The following LMBRD1 variants were observed in gnomAD, a reference collection of about 807,000 sequenced individuals.
LMBRD1 encodes the protein LMBR1 domain containing 1.
Under a neutral mutation model 74.8 loss-of-function variants are expected in LMBRD1, and 64 were observed. The observed-to-expected ratio is 0.86, with a 90% CI of 0.70 to 1.05. LMBRD1 has a LOEUF of 1.05. Among genes scored for constraint, LMBRD1 ranks in the 50% least tolerant of loss-of-function variants. The pLI is 0.00. For missense variants in LMBRD1, 652 were observed against 645.9 expected (o/e 1.01, Z -0.10); for synonymous variants, 204 against 216.3 (o/e 0.94, Z 0.50).
rs59779926 is a variant in LMBRD1 at position 69,689,511 on chromosome 6, T to C, written c.1417+8052A>G. ...GAGAACCTGGTTAGAACTGACAAAA[T>C]AGTTTTGGATTGGTAAGAATGATGA... On this transcript the variant is annotated intron_variant, in intron 14 of 15. Transcript: ENST00000649934. Among the ~76,000 whole-genome samples the C allele has an allele frequency of 9.2e-3, 1,402 of 152,160 alleles. 24 individuals carry two copies. Among genetic ancestry groups the C allele is most frequent in the African/African-American group, 0.032 (1,322 of 41,530 alleles).
At chr6:69,698,931 A>T in intron 13 of LMBRD1, 112 bp downstream of exon 13, 2 of 725,208 alleles carry the variant, frequency 2.8e-6, no homozygotes, top group Non-Finnish European at 2.3e-6. Flanking sequence ...AGCAATATTA[A>T]ATATAATCTG....
rs1342176216 is a variant in LMBRD1, at chr6:69,786,668, T to C, written c.246+3628A>G. Among the ~76,000 whole-genome samples the C allele has an allele frequency of 3.9e-5, 6 of 152,242 alleles. No homozygotes were observed. The East Asian group carries it at 1.2e-3, about 29-fold the overall frequency. On this transcript the variant is annotated intron_variant, in intron 2 of 15. Transcript: ENST00000649934. Reference sequence around the variant, plus strand: ...GAAACAAATTATCTAGCTAAAATTATTAATAATGCCATATGCTGAAAGAAA... The same window carrying C: ...GAAACAAATTATCTAGCTAAAATTACTAATAATGCCATATGCTGAAAGAAA...
chr6:69,701,779 TA>T, intron 10 of LMBRD1, 109 bp downstream of exon 10: 3 of 798,372 alleles, frequency 3.8e-6, no homozygotes, highest in Non-Finnish European at 6.4e-6. Context: ...ACACTTCAAG[TA>T]AAAAAGCTAC....
intron 3 of LMBRD1, among the ~76,000 whole-genome samples, chr6:69,768,439 C>T (rs147138858): frequency 1.1e-3 from 170 of 150,018 alleles, no homozygotes; most frequent in Non-Finnish European, 1.8e-3. Flanking sequence ...AATATTCACA[C>T]AATACAGGCA....
chr6:69,695,828 T>C (rs1765983562), intron 14 of LMBRD1, among the ~76,000 whole-genome samples: 1 of 144,350 alleles, frequency 6.9e-6, no homozygotes. Context: ...TTACAATTTT[T>C]CTAACCTTAG....
intron 3 of LMBRD1, among the ~76,000 whole-genome samples, chr6:69,757,237 T>C (rs1467181304): frequency 2.6e-5 from 4 of 152,092 alleles, no homozygotes; most frequent in Non-Finnish European, 4.4e-5. Context: ...ATAAGGAAGT[T>C]TGAGAATGGA....
At chr6:69,768,612 TAAGAA>T (rs1054275475) in intron 3 of LMBRD1, among the ~76,000 whole-genome samples, 13 of 152,148 alleles carry the variant, frequency 8.5e-5, no homozygotes, top group South Asian at 2.1e-4. Flanking sequence ...TTTACAAAGA[TAAGAA>T]AAGGAGAAAA....
chr6:69,786,425 A>AT (rs909286044), intron 2 of LMBRD1, among the ~76,000 whole-genome samples: 24 of 151,828 alleles, frequency 1.6e-4, no homozygotes, highest in African/African-American at 5.1e-4. Context: ...ATATTAACTA[A>AT]TTTTTTTATT....
chr6:69,778,989 C>T (rs538614643), intron 3 of LMBRD1, among the ~76,000 whole-genome samples: 1 of 152,048 alleles, frequency 6.6e-6, no homozygotes, highest in East Asian at 1.9e-4. Context: ...AGTTAAAGAC[C>T]AGCCTGGCCA....
chr6:69,766,720 A>G (rs1582140327), intron 3 of LMBRD1, among the ~76,000 whole-genome samples: 3 of 151,852 alleles, frequency 2.0e-5, no homozygotes, highest in East Asian at 3.9e-4. Flanking sequence ...AAGGATTGGT[A>G]TAATTTCTAT....
chr6:69,753,584 G>T (rs75402207), intron 3 of LMBRD1, among the ~76,000 whole-genome samples: 7 of 152,168 alleles, frequency 4.6e-5, no homozygotes, highest in African/African-American at 1.7e-4. Flanking sequence ...CTACTTCCAG[G>T]TGTATGCACA....
intron 7 of LMBRD1, among the ~76,000 whole-genome samples, chr6:69,736,790 T>A (rs181132332): frequency 6.6e-6 from 1 of 152,288 alleles, no homozygotes; most frequent in East Asian, 1.9e-4. Flanking sequence ...AGCAGATCAG[T>A]CACAGAATAA....
chr6:69,685,548 C>G (rs1765745524), intron 14 of LMBRD1, among the ~76,000 whole-genome samples: 1 of 152,238 alleles, frequency 6.6e-6, no homozygotes. Context: ...TGCCTGTAAC[C>G]CCAGCACTTT....
chr6:69,784,505 G>A (rs1034447183), intron 2 of LMBRD1, among the ~76,000 whole-genome samples: 1 of 152,180 alleles, frequency 6.6e-6, no homozygotes, highest in Non-Finnish European at 1.5e-5. Flanking sequence ...ATGGTGGACA[G>A]AGTCAGTATA....
rs1562095584 is a variant in LMBRD1 at position 69,713,709 on chromosome 6, C to T, written c.851G>A (p.Arg284Lys). ...ERLRTLKKRE[R>K]HLEFIENSWW... ...GCTGTTTTCAATGAATTCTAAATGC[C>T]TCTCTCTCTTCTTAAGTGTTCGTAA... Residue 284 changes from arginine to lysine, a missense_variant, in exon 9 of 16, where the codon AGG becomes AAG. Coordinates refer to ENST00000649934, the MANE Select transcript of LMBRD1 (RefSeq NM_018368.4). 3 of 1,613,650 alleles carry T rather than the reference C, an allele frequency of 1.9e-6. No individual in the cohort carries two copies. Among genetic ancestry groups the T allele is most frequent in the Non-Finnish European group, 8.5e-7 (1 of 1,179,648 alleles).
intron 5 of LMBRD1, among the ~76,000 whole-genome samples, chr6:69,743,343 T>G (rs1034985461): frequency 3.3e-5 from 5 of 152,208 alleles, no homozygotes; most frequent in African/African-American, 1.2e-4. Context: ...TAGGGTTTAA[T>G]ACGCAATATT....
At chr6:69,731,428 T>C (rs986442863) in intron 7 of LMBRD1, among the ~76,000 whole-genome samples, 1 of 152,036 alleles carries the variant, frequency 6.6e-6, no homozygotes, top group African/African-American at 2.4e-5. Context: ...ACCTGGAAAA[T>C]GTGTATACCT....
rs139875511 is a variant in LMBRD1 at position 69,777,170 on chromosome 6, G to A, written c.307+3324C>T. 3.5e-3 allele frequency among the ~76,000 whole-genome samples: 537 copies of A among 151,816 alleles called. 4 individuals carry two copies. Among genetic ancestry groups the A allele is most frequent in the African/African-American group, 0.012 (505 of 41,414 alleles). ...CTCAAAAAAATTAAAAAAGGGGTCC[G>A]GGCACAATGAGTGGCTCCCATCTGT... On this transcript the variant is annotated intron_variant, in intron 3 of 15. Coordinates refer to ENST00000649934, the MANE Select transcript of LMBRD1 (RefSeq NM_018368.4).
intron 14 of LMBRD1, among the ~76,000 whole-genome samples, chr6:69,681,582 C>T (rs1026573223): frequency 6.6e-6 from 1 of 150,600 alleles, no homozygotes; most frequent in Non-Finnish European, 1.5e-5. Context: ...TAATTAATTA[C>T]TCTATATTTG....
Sources: gnomAD v4.1 joint callset for allele counts (sites outside exome capture counted in the v4.1 genomes callset) on GRCh38, gnomAD v4.1.1 for gene constraint, MANE v1.5 for transcripts, NCBI Gene and HGNC (gene_info 2026-07-23, HGNC 2026-07-21) for gene names.